NCBP3: variants seen among roughly 807,000 people sequenced by gnomAD.
NCBP3 encodes nuclear cap-binding protein subunit 3.
In NCBP3, 20 loss-of-function variants were observed where a neutral mutation model predicts 75.7. The observed-to-expected ratio is 0.26, with a 90% CI of 0.19 to 0.38. The LOEUF (loss-of-function observed/expected upper bound fraction) is 0.38, where lower values mean the gene tolerates loss of function less well. NCBP3 is among the 10% of genes least tolerant of loss of function. The probability of loss-of-function intolerance (pLI) is 1.00; values close to 1 mark genes in which losing one functional copy is unlikely to be tolerated. For synonymous variants in NCBP3, 293 were observed against 290.5 expected (o/e 1.01, Z -0.09); for missense variants, 678 against 796.9 (o/e 0.85, Z 1.80).
rs1288983197 is a variant in NCBP3 at position 3,829,274 on chromosome 17, T to G, written c.450A>C (p.Pro150=). Residue 150 remains proline (P), a synonymous_variant, in exon 4 of 13, where the codon CCA becomes CCC. Transcript: ENST00000389005. Reference sequence around the variant, plus strand: ...TATCATCCAACCATTCGATGTGAGCTGGAGGATATTCTTTAAAATAGGAAA... The same window carrying G: ...TATCATCCAACCATTCGATGTGAGCGGGAGGATATTCTTTAAAATAGGAAA... The part of the protein sequence containing the change: ...DVFSYFKEYP[P]AHIEWLDDTS... 7 of 1,551,574 alleles carry G rather than the reference T, an allele frequency of 4.5e-6. No homozygotes were observed. In the Admixed American group the frequency reaches 1.2e-4, roughly 26 times the overall value.
In NCBP3 at chr17:3,832,205, A is replaced by G. The variant is rs2053890554; in HGVS notation, c.356-2837T>C. Among the ~76,000 whole-genome samples the G allele has an allele frequency of 1.8e-5, 2 of 114,240 alleles. 1 individual carries two copies. Among genetic ancestry groups the G allele is most frequent in the Non-Finnish European group, 4.2e-5 (2 of 47,694 alleles). 74.9% of individuals were successfully genotyped at this position (114,240 alleles called of 152,430 possible). ...TCGCAAAAAAAAAAAAAAAAAAAAG[A>G]GGATGGATACCCCATTCTCCATGAT... On this transcript the variant is annotated intron_variant, in intron 3 of 12. Coordinates refer to ENST00000389005, the MANE Select transcript of NCBP3 (RefSeq NM_001114118.3).
chr17:3,822,252 C>A, intron 7 of NCBP3, 200 bp from the exon 8 acceptor site: 3 of 467,004 alleles, frequency 6.4e-6, no homozygotes, highest in Admixed American at 3.9e-5. Flanking sequence ...AATACAGAGA[C>A]GAATGAGGTT....
intron 11 of NCBP3, among the ~76,000 whole-genome samples, chr17:3,815,589 C>T (rs1316112907): frequency 7.9e-5 from 12 of 152,182 alleles, no homozygotes; most frequent in African/African-American, 2.2e-4. Flanking sequence ...GTTGGCCCTC[C>T]TCATCCATGG....
At chr17:3,814,093 A>C (rs1051173963) in intron 12 of NCBP3, among the ~76,000 whole-genome samples, 1 of 152,236 alleles carries the variant, frequency 6.6e-6, no homozygotes, top group African/African-American at 2.4e-5. Flanking sequence ...GATTTGTGCC[A>C]AACAGAAAGA....
intron 12 of NCBP3, 50 bp downstream of exon 12, chr17:3,814,272 C>T (rs772312821): frequency 6.3e-7 from 1 of 1,594,394 alleles, no homozygotes; most frequent in South Asian, 1.1e-5. Context: ...CACCCACTGT[C>T]CTCTGCTCTC....
chr17:3,841,602 CTTTT>C (rs373561293), intron 2 of NCBP3, among the ~76,000 whole-genome samples: 9 of 118,044 alleles, frequency 7.6e-5, no homozygotes, highest in South Asian at 5.3e-4. Context: ...AATTCTCTCT[CTTTT>C]TTTTTTTTTT....
In NCBP3 at chr17:3,802,856, G is replaced by T; in HGVS notation, c.*10188C>A. On this transcript the variant is annotated 3_prime_UTR_variant, in exon 13 of 13. Coordinates refer to ENST00000389005, the MANE Select transcript of NCBP3 (RefSeq NM_001114118.3). ...TGGAGTGTGAACGTCAGGGTGCCTC[G>T]GGAAGCCAGGGAAAGCTGATGACTG... is the stretch of plus-strand genomic sequence containing the variant. 1 of 152,620 alleles carries T rather than the reference G, an allele frequency of 6.6e-6. No individual in the cohort carries two copies. The highest frequency in any genetic ancestry group is 1.5e-5 in the Non-Finnish European group (1 of 68,268). The allele number at this position is 152,620 out of a possible 1,614,324, so 9.5% of individuals were successfully genotyped here.
chr17:3,808,787 T>C lies in NCBP3; in HGVS notation c.*4257A>G, dbSNP rs904005526. On this transcript the variant is annotated 3_prime_UTR_variant, in exon 13 of 13. Coordinates refer to ENST00000389005, the MANE Select transcript of NCBP3 (RefSeq NM_001114118.3). Reference sequence around the variant, plus strand: ...CTCTGCTGCCCAGGCTGGAGTGCAGTGGCTTGATCATAGCTCACCACAGCC... The same window carrying C: ...CTCTGCTGCCCAGGCTGGAGTGCAGCGGCTTGATCATAGCTCACCACAGCC... 6.6e-6 allele frequency: 1 copy of C among 152,230 alleles called. No homozygotes were observed. The highest frequency in any genetic ancestry group is 2.4e-5 in the African/African-American group (1 of 41,422). The allele number at this position is 152,230 out of a possible 1,614,324, so 9.4% of individuals were successfully genotyped here.
Position 3,816,233 on chromosome 17 carries a change from T to C in NCBP3, c.1348A>G (p.Ile450Val). ...MRADSVSSSN[I>V]KNRIGNKLPP... ...AATTTGTTACCAATTCGGTTTTTGA[T>C]ATTGCTTGAAGATACACTATCTGCC... Residue 450 changes from isoleucine (I) to valine (V), a missense_variant, in exon 11 of 13, where the codon ATC becomes GTC. Coordinates refer to ENST00000389005, the MANE Select transcript of NCBP3 (RefSeq NM_001114118.3). 1.9e-6 allele frequency: 3 copies of C among 1,614,172 alleles called. No individual in the cohort carries two copies. The highest frequency in any genetic ancestry group is 2.5e-6 in the Non-Finnish European group (3 of 1,180,016).
In NCBP3 at chr17:3,802,715, C is replaced by G. The variant is rs972749279; in HGVS notation, c.*10329G>C. The G allele has an allele frequency of 6.6e-6, 1 of 152,266 alleles. No individual in the cohort carries two copies. Among genetic ancestry groups the G allele is most frequent in the African/African-American group, 2.4e-5 (1 of 41,460 alleles). 9.4% of individuals were successfully genotyped at this position (152,266 alleles called of 1,614,324 possible). A position where few individuals can be genotyped will look rare whatever the true frequency, so the allele number is the denominator to read the frequency against. On this transcript the variant is annotated 3_prime_UTR_variant, in exon 13 of 13. Transcript: ENST00000389005. ...GAGAGTCACAGTGGTCTCCTCTCCC[C>G]CGCATTGGCCTAAAGCAGGAAGAGA...
intron 8 of NCBP3, 128 bp from the exon 9 acceptor site, chr17:3,821,480 T>C: frequency 2.9e-6 from 2 of 691,084 alleles, no homozygotes; most frequent in Non-Finnish European, 4.9e-6. Flanking sequence ...TGAAGTGCAA[T>C]GGCACCATCT....
Position 3,812,633 on chromosome 17 carries a change from G to C in NCBP3, c.*411C>G. 9.8e-7 allele frequency: 1 copy of C among 1,016,898 alleles called. No homozygotes were observed. The highest frequency in any genetic ancestry group is 1.2e-6 in the Non-Finnish European group (1 of 848,776). The allele number at this position is 1,016,898 out of a possible 1,614,324, so 63.0% of individuals were successfully genotyped here. ...AAGCACCTGGGAATTGACTTTTCTT[G>C]GGAAAAGGGTGCTGGTAACAGCTGT... On this transcript the variant is annotated 3_prime_UTR_variant, in exon 13 of 13. Transcript: ENST00000389005.
At chr17:3,814,028 A>G (rs941392619) in intron 12 of NCBP3, among the ~76,000 whole-genome samples, 1 of 152,220 alleles carries the variant, frequency 6.6e-6, no homozygotes, top group Non-Finnish European at 1.5e-5. Flanking sequence ...GCTGTATGAA[A>G]AAACTAGGAT....
intron 2 of NCBP3, among the ~76,000 whole-genome samples, chr17:3,842,852 C>T (rs2054090297): frequency 6.6e-6 from 1 of 152,084 alleles, no homozygotes. Context: ...ACTATGTTGC[C>T]CAGGCTGGTC....
chr17:3,830,220 T>C (rs1475105748), intron 3 of NCBP3, among the ~76,000 whole-genome samples: 1 of 152,104 alleles, frequency 6.6e-6, no homozygotes, highest in Non-Finnish European at 1.5e-5. Flanking sequence ...AACAAACACA[T>C]ACATGTGGGC....
intron 1 of NCBP3, among the ~76,000 whole-genome samples, chr17:3,845,058 G>GA (rs1348687854): frequency 1.3e-5 from 2 of 152,138 alleles, no homozygotes; most frequent in Admixed American, 6.6e-5. Flanking sequence ...GGGGAAAGGG[G>GA]GGACCTCAAA....
chr17:3,838,143 C>T (rs554191900), intron 3 of NCBP3, among the ~76,000 whole-genome samples: 6 of 152,170 alleles, frequency 3.9e-5, no homozygotes, highest in Non-Finnish European at 7.3e-5. Context: ...GAGGCTTTTG[C>T]GCCCTAAAGA....
At chr17:3,822,326 A>G in intron 7 of NCBP3, 1 of 283,522 alleles carries the variant, frequency 3.5e-6, no homozygotes. Context: ...ACAAGATACA[A>G]GGTTCCAAAA....
chr17:3,825,198 A>G, intron 6 of NCBP3, 148 bp from the exon 7 acceptor site: 1 of 527,130 alleles, frequency 1.9e-6, no homozygotes, highest in South Asian at 2.6e-5. Context: ...TAACTCAGAG[A>G]TTTCCCCTGC....
Sources: gnomAD v4.1 joint callset for allele counts (sites outside exome capture counted in the v4.1 genomes callset) on GRCh38, gnomAD v4.1.1 for gene constraint, MANE v1.5 for transcripts, NCBI Gene and HGNC (gene_info 2026-07-23, HGNC 2026-07-21) for gene names.